CAST: variants seen among roughly 807,000 people sequenced by gnomAD.
The protein encoded by CAST is MIR583 host.
Under a neutral mutation model 119.6 loss-of-function variants are expected in CAST, and 76 were observed. The observed-to-expected ratio is 0.64, with a 90% CI of 0.53 to 0.77. CAST has a LOEUF of 0.77. CAST is among the 30% of genes least tolerant of loss of function. CAST has a pLI of 0.00. For missense variants in CAST, 953 were observed against 946.5 expected (o/e 1.01, Z -0.09); for synonymous variants, 319 against 331.6 (o/e 0.96, Z 0.41).
At chr5:96,606,526 C>T (rs1479857613) in intron 1 of CAST, among the ~76,000 whole-genome samples, 2 of 152,096 alleles carry the variant, frequency 1.3e-5, no homozygotes, top group African/African-American at 4.8e-5. Context: ...AGCAGAGAGG[C>T]AGAAAAACAG....
chr5:96,233,479 T>C, the CAST span, among the ~76,000 whole-genome samples: 3 of 152,060 alleles, frequency 2.0e-5, no homozygotes, highest in East Asian at 5.8e-4. Context: ...AAAACAAAAA[T>C]AAAAAAATTG....
chr5:96,686,951 A>G (rs762350204), intron 2 of CAST, among the ~76,000 whole-genome samples: 5 of 152,216 alleles, frequency 3.3e-5, no homozygotes, highest in Non-Finnish European at 5.9e-5. Context: ...AATTTTAACA[A>G]TCTAATTCCA....
the CAST span, among the ~76,000 whole-genome samples, chr5:96,317,611 A>C: frequency 1.6e-3 from 246 of 152,268 alleles, no homozygotes; most frequent in African/African-American, 5.7e-3. Context: ...GATCATAATA[A>C]TTATTTAGTC....
intron 1 of CAST, among the ~76,000 whole-genome samples, chr5:96,622,561 T>G (rs1651025922): frequency 6.6e-6 from 1 of 152,094 alleles, no homozygotes; most frequent in South Asian, 2.1e-4. Flanking sequence ...TAGCTGAAGA[T>G]CTTTCTGTCC....
the CAST span, among the ~76,000 whole-genome samples, chr5:95,976,873 T>C: frequency 3.7e-3 from 570 of 152,294 alleles, 4 homozygotes; most frequent in African/African-American, 0.013. Context: ...TCTCGTTCTC[T>C]GTTTTCCAGT....
the CAST span, among the ~76,000 whole-genome samples, chr5:96,250,253 G>T: frequency 6.6e-6 from 1 of 152,094 alleles, no homozygotes; most frequent in African/African-American, 2.4e-5. Context: ...ATAAAAAAGG[G>T]TGTTCATTTT....
chr5:96,069,353 G>GTATGTGTGTGTGTGTGTGTGTGTC, the CAST span, among the ~76,000 whole-genome samples: 1 of 81,722 alleles, frequency 1.2e-5, no homozygotes, highest in East Asian at 3.8e-4. Flanking sequence ...ATGTGTGTAT[G>GTATGTGTGTGTGTGTGTGTGTGTC]TATGTGTGTG....
the CAST span, among the ~76,000 whole-genome samples, chr5:96,001,233 T>C: frequency 6.2e-4 from 95 of 152,216 alleles, no homozygotes; most frequent in Non-Finnish European, 9.6e-4. Context: ...AAGAAAAAGA[T>C]ACCAGATGCT....
At chr5:96,534,898 A>G (rs977542229) in intron 1 of CAST, among the ~76,000 whole-genome samples, 1 of 149,688 alleles carries the variant, frequency 6.7e-6, no homozygotes, top group Admixed American at 6.7e-5. Flanking sequence ...GAAAGAAGGA[A>G]AGAAGGAAGG....
chr5:96,451,058 C>T, the CAST span, among the ~76,000 whole-genome samples: 3 of 152,112 alleles, frequency 2.0e-5, no homozygotes, highest in African/African-American at 7.2e-5. Context: ...TGACCTATGC[C>T]CTCCTAGATT....
At chr5:96,699,947 CAGG>C (rs970690091) in intron 3 of CAST, among the ~76,000 whole-genome samples, 2 of 152,216 alleles carry the variant, frequency 1.3e-5, no homozygotes, top group Admixed American at 1.3e-4. Context: ...CCAGCCTAGA[CAGG>C]AGGAGATCTA....
At chr5:96,276,090 T>C in the CAST span, among the ~76,000 whole-genome samples, 1 of 152,228 alleles carries the variant, frequency 6.6e-6, no homozygotes, top group Non-Finnish European at 1.5e-5. Context: ...TGCAGTGTTT[T>C]TCTCCCAGTG....
intron 20 of CAST, among the ~76,000 whole-genome samples, 192 bp from the exon 21 acceptor site, chr5:96,753,868 A>G (rs1279880008): frequency 6.6e-6 from 1 of 152,254 alleles, no homozygotes; most frequent in African/African-American, 2.4e-5. Flanking sequence ...AATGTTTAAT[A>G]TAAGAAATTT....
chr5:96,762,937 C>G (rs1309438524), intron 25 of CAST: 1 of 542,348 alleles, frequency 1.8e-6, no homozygotes, highest in Non-Finnish European at 3.3e-6. Flanking sequence ...TGCTGTGAGG[C>G]AAGGCTGTGG....
At chr5:95,997,733 T>C in the CAST span, among the ~76,000 whole-genome samples, 2 of 152,228 alleles carry the variant, frequency 1.3e-5, no homozygotes, top group East Asian at 3.9e-4. Flanking sequence ...TTCTGGGTAT[T>C]CCCCAACCTG....
intron 16 of CAST, among the ~76,000 whole-genome samples, chr5:96,745,940 T>G (rs535922397): frequency 1.3e-5 from 2 of 152,364 alleles, no homozygotes; most frequent in Non-Finnish European, 2.9e-5. Context: ...TGCAACTAAC[T>G]GCTGCACTGT....
chr5:96,438,132 C>T, the CAST span, among the ~76,000 whole-genome samples: 2 of 151,958 alleles, frequency 1.3e-5, no homozygotes, highest in Admixed American at 6.6e-5. Flanking sequence ...TAGGGTCTTT[C>T]AATAGAATTT....
chr5:96,598,540 G>GT (rs2150193382), intron 1 of CAST, among the ~76,000 whole-genome samples: 1 of 152,280 alleles, frequency 6.6e-6, no homozygotes, highest in East Asian at 1.9e-4. Flanking sequence ...TCTGAGTTGG[G>GT]TGACATGGGC....
chr5:96,647,837 T>C (rs2150204441), intron 1 of CAST, among the ~76,000 whole-genome samples: 1 of 152,222 alleles, frequency 6.6e-6, no homozygotes, highest in East Asian at 1.9e-4. Flanking sequence ...AGCTGTGAGA[T>C]AATAAATTTA....
Sources: allele counts gnomAD v4.1 joint callset (sites outside exome capture counted in the v4.1 genomes callset), GRCh38; gene constraint gnomAD v4.1.1; transcripts MANE v1.5; gene names NCBI Gene and HGNC (gene_info 2026-07-23, HGNC 2026-07-21).